NOX1: variants seen among roughly 807,000 people sequenced by gnomAD.
NOX1 encodes NADH/NADPH mitogenic oxidase subunit P65-MOX.
In NOX1, 34 loss-of-function variants were observed where a neutral mutation model predicts 42.5. The ratio of observed to expected loss-of-function variants is 0.80; its 90% CI spans 0.61 to 1.07. The LOEUF (loss-of-function observed/expected upper bound fraction) is 1.07. Ranked by LOEUF, NOX1 falls within the 50% of genes least tolerant of loss-of-function variation. The pLI is 0.00. For synonymous variants in NOX1, 143 were observed against 152.5 expected (o/e 0.94, Z 0.46); for missense variants, 408 against 427.0 (o/e 0.96, Z 0.39).
chrX:100,852,642 G>T (rs1217915155), intron 7 of NOX1, among the ~76,000 whole-genome samples: 1 of 111,850 alleles, frequency 8.9e-6, no homozygotes, highest in Non-Finnish European at 1.9e-5. Context: ...GTGAAGTGAG[G>T]TTTCTTAAGC....
chrX:100,859,590 T>C (rs776381549), intron 7 of NOX1, among the ~76,000 whole-genome samples: 19 of 110,929 alleles, frequency 1.7e-4, no homozygotes, highest in African/African-American at 6.2e-4. Context: ...GTTGTAGGCT[T>C]TTTTATTACT....
chrX:100,852,373 G>C (rs1206681514), intron 7 of NOX1, among the ~76,000 whole-genome samples: 1 of 111,414 alleles, frequency 9.0e-6, no homozygotes, highest in Non-Finnish European at 1.9e-5. Context: ...GGAGACTGAG[G>C]AAGGAGAATC....
At chrX:100,855,447 T>C (rs371682837) in intron 7 of NOX1, 6 of 729,903 alleles carry the variant, frequency 8.2e-6, no homozygotes, top group East Asian at 3.2e-5. Context: ...TGAATACTGA[T>C]TGTTGTAATT....
intron 7 of NOX1, chrX:100,855,767 A>C (rs1254902238): frequency 9.6e-7 from 1 of 1,040,449 alleles, no homozygotes; most frequent in African/African-American, 1.8e-5. Context: ...CAAAGTTTTC[A>C]TTCCCACCAA....
Position 100,850,164 on chromosome X carries a change from A to G in NOX1, c.1120T>C (p.Ser374Pro), listed in dbSNP as rs772571550. ...TCAAGGACCTACCTGGGAATTGGTG[A>G]ATATTGTTGTTCGAAAGCCCTTATG... is the stretch of plus-strand genomic sequence containing the variant. ...NLIRAFEQQY[S>P]PIPRIEVDGP... The change falls in exon 9 of 13, where the codon TCA becomes CCA. Residue 374 changes from serine to proline, a missense_variant. Transcript: ENST00000372966. The G allele has an allele frequency of 9.9e-6, 12 of 1,207,968 alleles. No homozygotes were observed. The highest frequency in any genetic ancestry group is 1.3e-5 in the Non-Finnish European group (12 of 892,219).
At chrX:100,863,370 C>A in intron 3 of NOX1, 115 bp downstream of exon 3, 1 of 966,346 alleles carries the variant, frequency 1.0e-6, no homozygotes, top group South Asian at 2.1e-5. Context: ...CCCTTAGCTA[C>A]CAAAGGAGAC....
intron 2 of NOX1, among the ~76,000 whole-genome samples, chrX:100,867,311 C>A (rs1181512328): frequency 8.9e-6 from 1 of 112,212 alleles, no homozygotes; most frequent in Non-Finnish European, 1.9e-5. Flanking sequence ...TGAGCCACAG[C>A]GCCTGGCAAA....
At chrX:100,844,191 T>A (rs753915833) in intron 12 of NOX1, 113 bp from the exon 13 acceptor site, 13 of 685,168 alleles carry the variant, frequency 1.9e-5, no homozygotes, top group Non-Finnish European at 2.8e-5. Flanking sequence ...TTCGGTTGTT[T>A]ACTCCCACGT....
At chrX:100,850,549 C>T (rs1211076065) in intron 8 of NOX1, among the ~76,000 whole-genome samples, 163 bp from the exon 9 acceptor site, 1 of 112,175 alleles carries the variant, frequency 8.9e-6, no homozygotes, top group Non-Finnish European at 1.9e-5. Context: ...ACAGTGGTTG[C>T]GATATGGAAC....
At chrX:100,846,266 C>A (rs1210752753) in intron 12 of NOX1, among the ~76,000 whole-genome samples, 1 of 112,155 alleles carries the variant, frequency 8.9e-6, no homozygotes, top group Admixed American at 9.4e-5. Flanking sequence ...GAGTTTTCCC[C>A]GAGTGTGGTA....
At chrX:100,851,404 C>T in intron 7 of NOX1, 79 bp from the exon 8 acceptor site, 1 of 488,729 alleles carries the variant, frequency 2.0e-6, no homozygotes, top group Non-Finnish European at 3.3e-6. Flanking sequence ...GTTCATCCTT[C>T]ATTCTTTACT....
chrX:100,848,981 C>T (rs925786357), intron 11 of NOX1, among the ~76,000 whole-genome samples: 4 of 111,160 alleles, frequency 3.6e-5, no homozygotes, highest in Non-Finnish European at 5.7e-5. Flanking sequence ...GAGGCTAAGG[C>T]AGGAGAATTG....
rs779428704 is a variant in NOX1, at chrX:100,848,709, T to C, written c.1489A>G (p.Thr497Ala). The C allele has an allele frequency of 9.5e-5, 115 of 1,209,822 alleles. No homozygotes were observed. The South Asian group carries it at 2.0e-3, about 21-fold the overall frequency. The change falls in exon 12 of 13, where the codon ACA becomes GCA. Residue 497 changes from threonine (T) to alanine (A), a missense_variant. Physicochemically the swap from Thr to Ala is moderately conservative, Grantham distance 58 (BLOSUM62 0). Transcript: ENST00000372966. ...LNFDKATDIV[T>A]GLKQKTSFGR... ...AAGGAGGTTTTCTGTTTCAGACCTG[T>C]CACGATGTCAGTGGCCTTGTCAAAG...
At chrX:100,860,882 C>T (rs2085198806) in intron 7 of NOX1, among the ~76,000 whole-genome samples, 1 of 111,120 alleles carries the variant, frequency 9.0e-6, no homozygotes, top group Non-Finnish European at 1.9e-5. Flanking sequence ...TCACCTCACC[C>T]TCCACACCAC....
chrX:100,865,364 T>C (rs1384865618), intron 2 of NOX1, among the ~76,000 whole-genome samples: 2 of 112,904 alleles, frequency 1.8e-5, no homozygotes, highest in Non-Finnish European at 3.7e-5. Context: ...GGTGGCTATC[T>C]GTATAGGATG....
At chrX:100,864,436 T>G (rs778868635) in intron 2 of NOX1, among the ~76,000 whole-genome samples, 1 of 112,795 alleles carries the variant, frequency 8.9e-6, no homozygotes, top group African/African-American at 3.2e-5. Flanking sequence ...TTAAAATTTT[T>G]AACCAATTCT....
intron 2 of NOX1, among the ~76,000 whole-genome samples, chrX:100,869,523 C>G (rs918863355): frequency 9.0e-6 from 1 of 110,815 alleles, no homozygotes; most frequent in African/African-American, 3.3e-5. Flanking sequence ...TATCCTGAGA[C>G]TTTGCTGAAG....
At chrX:100,870,869 G>T (rs912811783) in intron 1 of NOX1, 55 bp from the exon 2 acceptor site, 6 of 789,710 alleles carry the variant, frequency 7.6e-6, no homozygotes, top group Non-Finnish European at 1.1e-5. Flanking sequence ...AGTATGGGAA[G>T]GAGTAAATAA....
chrX:100,856,423 G>T, intron 7 of NOX1: 1 of 468,209 alleles, frequency 2.1e-6, no homozygotes, highest in Non-Finnish European at 3.8e-6. Flanking sequence ...TTCTTCAGTG[G>T]CGTACACGGG....
Sources: gnomAD v4.1 joint callset for allele counts (sites outside exome capture counted in the v4.1 genomes callset) on GRCh38, gnomAD v4.1.1 for gene constraint, MANE v1.5 for transcripts, NCBI Gene and HGNC (gene_info 2026-07-23, HGNC 2026-07-21) for gene names.